The following TUBGCP3 variants were observed in gnomAD, a reference collection of about 807,000 sequenced individuals.
TUBGCP3 encodes gamma-tubulin complex component 3.
In TUBGCP3, 50 loss-of-function variants were observed where a neutral mutation model predicts 123.1. The ratio of observed to expected loss-of-function variants is 0.41; its 90% CI spans 0.32 to 0.51. TUBGCP3 has a LOEUF of 0.51. Ranked by LOEUF, TUBGCP3 falls within the 20% of genes least tolerant of loss-of-function variation. The pLI is 0.36. For synonymous variants in TUBGCP3, 405 were observed against 413.9 expected (o/e 0.98, Z 0.26); for missense variants, 882 against 1,127.0 (o/e 0.78, Z 3.11).
chr13:112,557,427 G>A (rs984954310), intron 5 of TUBGCP3, among the ~76,000 whole-genome samples: 33 of 152,118 alleles, frequency 2.2e-4, no homozygotes, highest in African/African-American at 8.0e-4. Flanking sequence ...ACACTCACAT[G>A]GAAAACACCA....
Position 112,519,098 on chromosome 13 carries a change from C to A in TUBGCP3, c.1882-55G>T. 7.1e-7 allele frequency: 1 copy of A among 1,416,340 alleles called. No individual in the cohort carries two copies. Among genetic ancestry groups the A allele is most frequent in the African/African-American group, 1.4e-5 (1 of 70,894 alleles). 87.7% of individuals were successfully genotyped at this position (1,416,340 alleles called of 1,614,324 possible). A position where few individuals can be genotyped will look rare whatever the true frequency, so the allele number is the denominator to read the frequency against. The stretch of plus-strand genomic sequence containing the variant: ...AGACCTTAAGCTTCTTGCTGAAGAA[C>A]TTGTTAACGCAAAGAAAAAGCAGTA... On this transcript the variant is annotated intron_variant, in intron 15 of 21. Coordinates refer to ENST00000261965, the MANE Select transcript of TUBGCP3 (RefSeq NM_006322.6). The surrounding 1 kb of genome is among the most constrained non-coding windows in gnomAD (Gnocchi z 6.2).
chr13:112,515,051 T>G (rs1365701184), intron 17 of TUBGCP3, among the ~76,000 whole-genome samples: 1 of 152,212 alleles, frequency 6.6e-6, no homozygotes, highest in Non-Finnish European at 1.5e-5. Flanking sequence ...AAATAAATTT[T>G]ATAAATAATA....
At chr13:112,526,421 C>T (rs1223223654) in intron 13 of TUBGCP3, among the ~76,000 whole-genome samples, 1 of 135,798 alleles carries the variant, frequency 7.4e-6, no homozygotes, top group Non-Finnish European at 1.6e-5. Context: ...ACCACCATCA[C>T]TGCCGCTACC....
intron 11 of TUBGCP3, among the ~76,000 whole-genome samples, chr13:112,542,419 A>ATG (rs1306081709): frequency 6.6e-6 from 1 of 152,254 alleles, no homozygotes; most frequent in Non-Finnish European, 1.5e-5. Flanking sequence ...GGAAACGCCC[A>ATG]TTACCTACAT....
intron 11 of TUBGCP3, among the ~76,000 whole-genome samples, chr13:112,541,204 G>C (rs941750964): frequency 2.0e-5 from 3 of 152,130 alleles, no homozygotes; most frequent in African/African-American, 7.2e-5. Context: ...ATAAGGCAGA[G>C]AATCAATAAA....
intron 1 of TUBGCP3, among the ~76,000 whole-genome samples, chr13:112,572,694 T>C (rs888677147): frequency 4.6e-5 from 7 of 152,148 alleles, no homozygotes; most frequent in South Asian, 4.1e-4. Context: ...ACTTTTTGAT[T>C]AAGTTTGCGC....
intron 11 of TUBGCP3, among the ~76,000 whole-genome samples, chr13:112,528,808 A>G (rs1322906166): frequency 6.6e-6 from 1 of 151,806 alleles, no homozygotes; most frequent in Non-Finnish European, 1.5e-5. Flanking sequence ...ATTGTCCATC[A>G]TGTTCTTTCA....
chr13:112,584,897 T>A (rs1882504148), intron 1 of TUBGCP3, among the ~76,000 whole-genome samples: 1 of 152,230 alleles, frequency 6.6e-6, no homozygotes, highest in African/African-American at 2.4e-5. Flanking sequence ...AGACAGGATT[T>A]GACTATGACT....
intron 13 of TUBGCP3, among the ~76,000 whole-genome samples, chr13:112,525,853 T>A (rs1483709619): frequency 6.6e-6 from 1 of 152,238 alleles, no homozygotes; most frequent in African/African-American, 2.4e-5. Flanking sequence ...ACTTTATCAT[T>A]TTAAAACAGC....
intron 7 of TUBGCP3, 95 bp downstream of exon 7, chr13:112,554,792 C>A (rs976247205): frequency 1.2e-6 from 1 of 840,758 alleles, no homozygotes; most frequent in Middle Eastern, 3.5e-4. Context: ...TTCGCAAAAC[C>A]CCAGTACCAC....
intron 16 of TUBGCP3, among the ~76,000 whole-genome samples, chr13:112,517,422 C>T (rs146334006): frequency 2.6e-5 from 4 of 152,232 alleles, no homozygotes; most frequent in East Asian, 3.9e-4. Context: ...TGTAATACTA[C>T]GAAATAATTA....
intron 17 of TUBGCP3, among the ~76,000 whole-genome samples, chr13:112,512,039 C>T (rs1328641195): frequency 6.6e-6 from 1 of 152,180 alleles, no homozygotes; most frequent in Non-Finnish European, 1.5e-5. Flanking sequence ...ACATTTTAGA[C>T]AAGAAATAAT....
rs563728185 is a variant in TUBGCP3, at chr13:112,514,172, T to C, written c.2086+2268A>G. 1.8e-4 allele frequency among the ~76,000 whole-genome samples: 28 copies of C among 152,286 alleles called. No individual in the cohort carries two copies. In the South Asian group the frequency reaches 5.8e-3, roughly 32 times the overall value. On this transcript the variant is annotated intron_variant, in intron 17 of 21. Transcript: ENST00000261965. ...AATAATCCTATTTTGCCATTAGTTATTGCTGTTAATCACTTACTGTGCCTA... is the reference window on the plus strand; with the variant it reads ...AATAATCCTATTTTGCCATTAGTTACTGCTGTTAATCACTTACTGTGCCTA...
Position 112,554,079 on chromosome 13 carries a change from C to A in TUBGCP3, c.944G>T (p.Arg315Leu), listed in dbSNP as rs376554269. 6.2e-7 allele frequency: 1 copy of A among 1,612,904 alleles called. No homozygotes were observed. The change falls in exon 8 of 22, where the codon CGC (arginine) becomes CTC (leucine). Residue 315 changes from arginine to leucine, a missense_variant. Around this residue, in one of 3 missense-constraint regions of TUBGCP3, gnomAD observed 713 missense variants for 874.0 expected, o/e 0.82. Coordinates refer to ENST00000261965, the MANE Select transcript of TUBGCP3 (RefSeq NM_006322.6). Reference sequence around the variant, plus strand: ...CACCTGCCCGACGAGTCCGAATGAGCGGTCCAGGCTCCTCTGGTCCGTGTA... The same window carrying A: ...CACCTGCCCGACGAGTCCGAATGAGAGGTCCAGGCTCCTCTGGTCCGTGTA... ...RRYTDQRSLD[R>L]SFGLVGQSFC...
intron 20 of TUBGCP3, chr13:112,498,701 A>G: frequency 7.1e-7 from 1 of 1,407,248 alleles, no homozygotes; most frequent in Non-Finnish European, 9.4e-7. Flanking sequence ...CACGATCCAC[A>G]AGCTTCAAAC....
Position 112,499,034 on chromosome 13 carries a change from A to G in TUBGCP3, c.2448+11T>C. Reference sequence around the variant, plus strand: ...TTCAAATAGATAAATTCACAAGTGTAAAGACCATACCTCAATTTCACGCTG... The same window carrying G: ...TTCAAATAGATAAATTCACAAGTGTGAAGACCATACCTCAATTTCACGCTG... On this transcript the variant is annotated intron_variant, in intron 20 of 21. Transcript: ENST00000261965. The G allele has an allele frequency of 6.2e-7, 1 of 1,614,238 alleles. No individual in the cohort carries two copies. The highest frequency in any genetic ancestry group is 8.5e-7 in the Non-Finnish European group (1 of 1,180,044).
intron 1 of TUBGCP3, among the ~76,000 whole-genome samples, chr13:112,577,671 A>G (rs1282101107): frequency 6.6e-6 from 1 of 152,216 alleles, no homozygotes; most frequent in African/African-American, 2.4e-5. Flanking sequence ...TACCACGGTT[A>G]TGTAAGACAA....
intron 17 of TUBGCP3, among the ~76,000 whole-genome samples, chr13:112,515,885 T>C (rs2139046250): frequency 6.6e-6 from 1 of 152,326 alleles, no homozygotes; most frequent in South Asian, 2.1e-4. Context: ...TCTCTTTTTA[T>C]TCTTAACAAT....
chr13:112,492,678 C>T (rs1421234035), intron 20 of TUBGCP3, among the ~76,000 whole-genome samples: 2 of 150,702 alleles, frequency 1.3e-5, no homozygotes, highest in African/African-American at 2.4e-5. Context: ...GCTATGGGAA[C>T]GGGGCCTGGT....
Sources: gnomAD v4.1 joint callset for allele counts (sites outside exome capture counted in the v4.1 genomes callset) on GRCh38, gnomAD v4.1.1 for gene constraint, gnomAD v4.1.1 regional missense constraint, Gnocchi (gnomAD v3.1) non-coding constraint, MANE v1.5 for transcripts, NCBI Gene and HGNC (gene_info 2026-07-23, HGNC 2026-07-21) for gene names.